Variants in RERE observed in about 807,000 individuals in gnomAD.
RERE encodes arginine-glutamic acid dipeptide repeats protein.
RERE carries 40 observed loss-of-function variants against 146.1 expected under a neutral mutation model. The observed-to-expected ratio is 0.27, with a 90% CI of 0.21 to 0.36. The LOEUF (loss-of-function observed/expected upper bound fraction) is 0.36, where lower values mean the gene tolerates loss of function less well. Among genes scored for constraint, RERE ranks in the 10% least tolerant of loss-of-function variants. RERE has a pLI of 1.00. For missense variants in RERE, 1,933 were observed against 2,138.7 expected, an observed-to-expected ratio of 0.90 and a Z score of 1.90; for synonymous variants, 1,003 against 866.0, an observed-to-expected ratio of 1.16 and a Z score of -2.78.
chr1:8,615,780 A>C (rs1646845488), intron 3 of RERE, among the ~76,000 whole-genome samples: 1 of 152,126 alleles, frequency 6.6e-6, no homozygotes, highest in Non-Finnish European at 1.5e-5. Flanking sequence ...AGCTCCCTAC[A>C]CATAGACACA....
chr1:8,762,159 G>T (rs1392340904), intron 1 of RERE, among the ~76,000 whole-genome samples: 3 of 152,128 alleles, frequency 2.0e-5, no homozygotes, highest in African/African-American at 7.2e-5. Context: ...CCTAAGGAGA[G>T]GTCATTGCTT....
Position 8,787,038 on chromosome 1 carries a change from T to C in RERE, c.-145+30122A>G, listed in dbSNP as rs775443603. ...TGTCACACACACCTGATGAAAACCTTCCAGTGGCATTATACTTGGAATGAA... is the reference window on the plus strand; with the variant it reads ...TGTCACACACACCTGATGAAAACCTCCCAGTGGCATTATACTTGGAATGAA... On this transcript the variant is annotated intron_variant, in intron 1 of 22. Coordinates refer to ENST00000400908, the MANE Select transcript of RERE (RefSeq NM_001042681.2). 3.9e-4 allele frequency: 213 copies of C among 550,646 alleles called. 1 individual carries two copies. The highest frequency in any genetic ancestry group is 8.3e-4 in the South Asian group (38 of 45,960). 34.1% of individuals were successfully genotyped at this position (550,646 alleles called of 1,614,324 possible). A position where few individuals can be genotyped will look rare whatever the true frequency, so the allele number is the denominator to read the frequency against.
chr1:8,515,160 CAGGAGTT>C (rs986344820), intron 7 of RERE, among the ~76,000 whole-genome samples: 1 of 151,878 alleles, frequency 6.6e-6, no homozygotes, highest in Non-Finnish European at 1.5e-5. Context: ...AGCTTGAGCT[CAGGAGTT>C]TGAGACCAGC....
intron 4 of RERE, among the ~76,000 whole-genome samples, chr1:8,607,641 G>C (rs925686422): frequency 3.8e-5 from 5 of 130,514 alleles, no homozygotes. Context: ...GAACTTCTGA[G>C]TTCAAGTAAT....
At chr1:8,560,933 T>C (rs938195472) in intron 4 of RERE, among the ~76,000 whole-genome samples, 17 of 152,212 alleles carry the variant, frequency 1.1e-4, no homozygotes, top group African/African-American at 3.9e-4. Context: ...AAATCTACCA[T>C]CTATGTATTT....
chr1:8,705,902 G>T (rs1639550201), intron 1 of RERE, among the ~76,000 whole-genome samples: 1 of 152,132 alleles, frequency 6.6e-6, no homozygotes, highest in Non-Finnish European at 1.5e-5. Context: ...AGATCATGAG[G>T]TCAGGAGATC....
At chr1:8,699,656 C>T (rs1379177867) in intron 1 of RERE, among the ~76,000 whole-genome samples, 1 of 152,158 alleles carries the variant, frequency 6.6e-6, no homozygotes, top group South Asian at 2.1e-4. Flanking sequence ...TTGGATTCAG[C>T]AGTCTGTTGC....
rs1641086713 is a variant in RERE, at chr1:8,777,490, G to A, written c.-145+39670C>T. On this transcript the variant is annotated intron_variant, in intron 1 of 22. Transcript: ENST00000400908. ...TATTTTCTACATGAAATTAAAAGAA[G>A]ACAGTAGTTTGAGACAGGTCACTCT... Among the ~76,000 whole-genome samples the A allele has an allele frequency of 2.0e-5, 3 of 150,286 alleles. 1 individual carries two copies. The highest frequency in any genetic ancestry group is 4.2e-4 in the South Asian group (2 of 4,786).
rs1643958745 is a variant in RERE, at chr1:8,423,820, G to A, written c.1204-1013C>T. The A allele has an allele frequency of 2.2e-6, 1 of 459,380 alleles. No homozygotes were observed. Among genetic ancestry groups the A allele is most frequent in the Non-Finnish European group, 2.8e-6 (1 of 351,688 alleles). 28.5% of individuals were successfully genotyped at this position (459,380 alleles called of 1,614,324 possible). ...CGCAGAGCCCGGCGCGGCCGCGGGC[G>A]GCTGCAAAAGGCGGCCTGGATTGCC... On this transcript the variant is annotated intron_variant, in intron 11 of 22. Coordinates refer to ENST00000400908, the MANE Select transcript of RERE (RefSeq NM_001042681.2). This position sits in a 1 kb window ranked among gnomAD's most constrained non-coding sequence, Gnocchi z 5.4.
intron 12 of RERE, among the ~76,000 whole-genome samples, chr1:8,414,077 AT>A (rs1643692803): frequency 2.9e-5 from 4 of 138,038 alleles, no homozygotes; most frequent in African/African-American, 1.0e-4. Context: ...AAAAAAAGAA[AT>A]GAGGGGACTC....
At chr1:8,685,375 CCAA>C (rs1247798373) in intron 1 of RERE, among the ~76,000 whole-genome samples, 1 of 145,256 alleles carries the variant, frequency 6.9e-6, no homozygotes, top group Non-Finnish European at 1.5e-5. Context: ...AACCATATTT[CCAA>C]GTATTAAAAC....
intron 4 of RERE, among the ~76,000 whole-genome samples, chr1:8,611,921 C>T (rs558098213): frequency 2.6e-4 from 39 of 152,316 alleles, no homozygotes; most frequent in African/African-American, 8.7e-4. Flanking sequence ...TCCCTCACTA[C>T]TCCCTCCCCA....
intron 10 of RERE, among the ~76,000 whole-genome samples, chr1:8,485,859 C>T (rs1004919185): frequency 1.6e-4 from 23 of 146,128 alleles, no homozygotes; most frequent in Non-Finnish European, 2.5e-4. Context: ...AGTGCAGTGG[C>T]GCGATCTTGG....
chr1:8,490,126 G>A (rs1272896542), intron 10 of RERE, among the ~76,000 whole-genome samples: 1 of 151,734 alleles, frequency 6.6e-6, no homozygotes, highest in Non-Finnish European at 1.5e-5. Context: ...ACTTTGGGAG[G>A]CCAAGGCGGG....
At chr1:8,472,924 C>T (rs1644706890) in intron 10 of RERE, among the ~76,000 whole-genome samples, 1 of 151,832 alleles carries the variant, frequency 6.6e-6, no homozygotes, top group South Asian at 2.1e-4. Context: ...CTCTTTTCCA[C>T]ATCACTAAAC....
chr1:8,412,831 G>C (rs1643650533), intron 12 of RERE, among the ~76,000 whole-genome samples: 1 of 152,140 alleles, frequency 6.6e-6, no homozygotes, highest in Non-Finnish European at 1.5e-5. Context: ...ATTACACAAA[G>C]TCTAAGGCCT....
At chr1:8,785,894 T>TC (rs1641250919) in intron 1 of RERE, among the ~76,000 whole-genome samples, 1 of 152,164 alleles carries the variant, frequency 6.6e-6, no homozygotes, top group Non-Finnish European at 1.5e-5. Flanking sequence ...AGTGCTGGGA[T>TC]TACAGGTATG....
At chr1:8,511,814 T>C (rs1029971929) in intron 7 of RERE, 1 of 150,614 alleles carries the variant, frequency 6.6e-6, no homozygotes, top group Non-Finnish European at 1.5e-5. Flanking sequence ...CCCAGACAGC[T>C]GCATCACCCT....
At chr1:8,391,751 A>G (rs1293289430) in intron 12 of RERE, among the ~76,000 whole-genome samples, 2 of 152,226 alleles carry the variant, frequency 1.3e-5, no homozygotes, top group Admixed American at 6.5e-5. Flanking sequence ...TTAAAATTCT[A>G]GAGGCCGGGC....
Sources: gnomAD v4.1 joint callset for allele counts (sites outside exome capture counted in the v4.1 genomes callset) on GRCh38, gnomAD v4.1.1 for gene constraint, Gnocchi (gnomAD v3.1) non-coding constraint, MANE v1.5 for transcripts, NCBI Gene and HGNC (gene_info 2026-07-23, HGNC 2026-07-21) for gene names.